GABRB2: variants seen among roughly 807,000 people sequenced by gnomAD.
The protein encoded by GABRB2 is gamma-aminobutyric acid type A receptor subunit beta2, also known as gamma-aminobutyric acid receptor subunit beta-2.
Under a neutral mutation model 54.7 loss-of-function variants are expected in GABRB2, and 16 were observed. The ratio of observed to expected loss-of-function variants is 0.29; its 90% CI spans 0.20 to 0.44. The LOEUF is 0.44. Among genes scored for constraint, GABRB2 ranks in the 20% least tolerant of loss-of-function variants. The probability of loss-of-function intolerance (pLI) is 1.00; values close to 1 mark genes in which losing one functional copy is unlikely to be tolerated. For synonymous variants in GABRB2, 244 were observed against 233.8 expected, an observed-to-expected ratio of 1.04 and a Z score of -0.40; for missense variants, 355 against 644.0, an observed-to-expected ratio of 0.55 and a Z score of 4.86.
At chr5:161,440,054 C>T (rs373923721) in intron 4 of GABRB2, among the ~76,000 whole-genome samples, 4 of 132,230 alleles carry the variant, frequency 3.0e-5, no homozygotes, top group African/African-American at 1.2e-4. Context: ...CTCATGGTAA[C>T]CTCAAACCAA....
intron 5 of GABRB2, among the ~76,000 whole-genome samples, chr5:161,387,260 T>A (rs1206144518): frequency 1.3e-5 from 2 of 152,074 alleles, no homozygotes; most frequent in Non-Finnish European, 2.9e-5. Context: ...AAGTTAAATA[T>A]GTTGGAATTG....
At chr5:161,468,642 G>A (rs928764712) in intron 3 of GABRB2, among the ~76,000 whole-genome samples, 26 of 151,236 alleles carry the variant, frequency 1.7e-4, no homozygotes, top group Admixed American at 1.3e-3. Flanking sequence ...TTTTCATGTC[G>A]CCCAACTAGA....
At chr5:161,481,840 AG>A (rs1368222973) in intron 3 of GABRB2, among the ~76,000 whole-genome samples, 2 of 152,060 alleles carry the variant, frequency 1.3e-5, no homozygotes, top group Non-Finnish European at 2.9e-5. Flanking sequence ...ACTTAGCTAA[AG>A]GAAAAATTCA....
At chr5:161,501,247 A>G (rs1221272826) in intron 3 of GABRB2, among the ~76,000 whole-genome samples, 1 of 152,162 alleles carries the variant, frequency 6.6e-6, no homozygotes, top group Non-Finnish European at 1.5e-5. Flanking sequence ...GCCTTCTAAA[A>G]GAAGTCTGAA....
intron 5 of GABRB2, among the ~76,000 whole-genome samples, chr5:161,343,810 A>G (rs1320072150): frequency 3.3e-5 from 5 of 152,074 alleles, no homozygotes; most frequent in Non-Finnish European, 5.9e-5. Flanking sequence ...CCTTCATCTA[A>G]CCTTGATTTG....
At chr5:161,320,059 A>C (rs1758163121) in intron 9 of GABRB2, among the ~76,000 whole-genome samples, 1 of 151,604 alleles carries the variant, frequency 6.6e-6, no homozygotes, top group Non-Finnish European at 1.5e-5. Flanking sequence ...TGTTTCCTTA[A>C]TAGCCTTTTC....
At chr5:161,487,210 A>G (rs1398670281) in intron 3 of GABRB2, among the ~76,000 whole-genome samples, 1 of 151,920 alleles carries the variant, frequency 6.6e-6, no homozygotes, top group Non-Finnish European at 1.5e-5. Flanking sequence ...AATCAGGAAA[A>G]TCATTCTACG....
At chr5:161,433,634 G>T (rs1035128228) in intron 4 of GABRB2, among the ~76,000 whole-genome samples, 3 of 151,472 alleles carry the variant, frequency 2.0e-5, no homozygotes, top group Non-Finnish European at 4.4e-5. Flanking sequence ...AAAAATAAAA[G>T]AAAAAGAAAT....
intron 7 of GABRB2, among the ~76,000 whole-genome samples, chr5:161,332,729 G>A (rs1179346989): frequency 1.3e-5 from 2 of 152,086 alleles, no homozygotes; most frequent in Non-Finnish European, 2.9e-5. Context: ...CATCCTGAAG[G>A]TTAAATTTCA....
intron 3 of GABRB2, among the ~76,000 whole-genome samples, chr5:161,464,406 T>TA (rs1282292946): frequency 1.3e-5 from 2 of 152,060 alleles, no homozygotes; most frequent in Non-Finnish European, 2.9e-5. Flanking sequence ...ACACACTCAT[T>TA]AAAAAAGTGC....
chr5:161,480,256 G>A (rs1043347937), intron 3 of GABRB2, among the ~76,000 whole-genome samples: 1 of 152,022 alleles, frequency 6.6e-6, no homozygotes, highest in Non-Finnish European at 1.5e-5. Context: ...TGTTCAATGA[G>A]TGAGAAACAA....
At chr5:161,336,570 G>C in intron 6 of GABRB2, 62 bp downstream of exon 6, 1 of 1,572,812 alleles carries the variant, frequency 6.4e-7, no homozygotes, top group Non-Finnish European at 8.7e-7. Flanking sequence ...TAATATAAGT[G>C]AACATGTTTA....
intron 5 of GABRB2, among the ~76,000 whole-genome samples, chr5:161,381,715 T>C (rs1007375969): frequency 2.2e-4 from 33 of 152,136 alleles, no homozygotes; most frequent in Non-Finnish European, 1.9e-4. Context: ...GATGAAATAA[T>C]AAAGTATACT....
intron 5 of GABRB2, 127 bp downstream of exon 5, chr5:161,410,848 A>C: frequency 1.6e-6 from 1 of 638,144 alleles, no homozygotes; most frequent in South Asian, 2.2e-5. Flanking sequence ...GCTTCCCTCA[A>C]CCAAATTTAG....
rs73797565 is a variant in GABRB2 at position 161,313,637 on chromosome 5, C to T, written c.1191+12731G>A. ...AGAGTTCTGCCCTTGTGATCACTTT[C>T]CTGGTAGATATCAACTTCAAAGTTA... is the stretch of plus-strand genomic sequence containing the variant. On this transcript the variant is annotated intron_variant, in intron 9 of 9. Transcript: ENST00000393959. Among the ~76,000 whole-genome samples, 519 of 152,112 alleles carry T rather than the reference C, an allele frequency of 3.4e-3. 3 individuals are homozygous for T. Among genetic ancestry groups the T allele is most frequent in the African/African-American group, 0.012 (499 of 41,488 alleles).
intron 4 of GABRB2, among the ~76,000 whole-genome samples, chr5:161,450,080 T>A (rs1421413228): frequency 6.6e-6 from 1 of 152,186 alleles, no homozygotes; most frequent in Non-Finnish European, 1.5e-5. Context: ...ACTGTACACA[T>A]TCTTCAGGCC....
intron 5 of GABRB2, among the ~76,000 whole-genome samples, chr5:161,361,845 T>C (rs1216640611): frequency 1.3e-5 from 2 of 152,190 alleles, no homozygotes; most frequent in African/African-American, 2.4e-5. Context: ...TAAAAATTAT[T>C]TGCCCATACA....
intron 3 of GABRB2, among the ~76,000 whole-genome samples, chr5:161,532,487 G>A (rs1331650626): frequency 6.6e-6 from 1 of 152,008 alleles, no homozygotes; most frequent in Non-Finnish European, 1.5e-5. Context: ...TCTGGTGTAG[G>A]CCCAGAAAAT....
chr5:161,398,657 TG>T (rs1756078314), intron 5 of GABRB2, among the ~76,000 whole-genome samples: 1 of 142,192 alleles, frequency 7.0e-6, no homozygotes, highest in Non-Finnish European at 1.5e-5. Context: ...ACTGTTTTTT[TG>T]TTTGTTTGTC....
Sources: gnomAD v4.1 joint callset for allele counts (sites outside exome capture counted in the v4.1 genomes callset) on GRCh38, gnomAD v4.1.1 for gene constraint, MANE v1.5 for transcripts, NCBI Gene and HGNC (gene_info 2026-07-23, HGNC 2026-07-21) for gene names.